Variants in SEC16A observed in about 807,000 individuals in gnomAD.
SEC16A encodes SEC16 homolog A, endoplasmic reticulum export factor, also known as protein transport protein Sec16A.
A neutral mutation model predicts 221.9 loss-of-function variants in SEC16A; 110 were observed. That is an observed-to-expected ratio of 0.50 (90% CI 0.42 to 0.58). The LOEUF (loss-of-function observed/expected upper bound fraction) is 0.58. Among genes scored for constraint, SEC16A ranks in the 20% least tolerant of loss-of-function variants. SEC16A has a pLI of 0.00. For missense variants in SEC16A, 3,165 were observed against 3,097.8 expected (o/e 1.02, Z -0.52); for synonymous variants, 1,393 against 1,257.7 (o/e 1.11, Z -2.28).
At chr9:136,480,715 C>T (rs1343771819) in intron 1 of SEC16A, among the ~76,000 whole-genome samples, 1 of 152,094 alleles carries the variant, frequency 6.6e-6, no homozygotes, top group Non-Finnish European at 1.5e-5. Flanking sequence ...CACGGTGAAA[C>T]CCCGTCTCTA....
chr9:136,457,422 G>C, intron 18 of SEC16A, 22 bp downstream of exon 18: 1 of 1,588,162 alleles, frequency 6.3e-7, no homozygotes, highest in Non-Finnish European at 8.6e-7. Flanking sequence ...AGCATCCCGA[G>C]GACAGGCGCC....
chr9:136,472,463 G>A (rs977506898), intron 3 of SEC16A, among the ~76,000 whole-genome samples: 1 of 152,252 alleles, frequency 6.6e-6, no homozygotes, highest in Non-Finnish European at 1.5e-5. Flanking sequence ...GCGACTTCTG[G>A]AAGGGGCTGT....
In SEC16A at chr9:136,475,493, G is replaced by C; in HGVS notation, c.2123C>G (p.Pro708Arg). 6.2e-7 allele frequency: 1 copy of C among 1,608,174 alleles called. No homozygotes were observed. The highest frequency in any genetic ancestry group is 1.1e-5 in the South Asian group (1 of 90,840). The change falls in exon 3 of 32, where the codon CCT becomes CGT. Residue 708 changes from proline (P) to arginine (R), a missense_variant. By Grantham distance (103) the Pro-to-Arg change is moderately radical (BLOSUM62 -2). Transcript: ENST00000684901. The surrounding 1 kb of genome is among the most constrained non-coding windows in gnomAD (Gnocchi z 5.0). Reference protein sequence around the residue: ...DTVYPAPEKRPSARTQGPVKC... With the variant: ...DTVYPAPEKRRSARTQGPVKC... ...CACGGGCCCCTGGGTCCTGGCTGAA[G>C]GCCTCTTCTCGGGTGCTGGATACAC...
In SEC16A at chr9:136,441,385, T is replaced by A. The variant is rs930457342; in HGVS notation, c.*370A>T. 3 of 293,396 alleles carry A rather than the reference T, an allele frequency of 1.0e-5. No homozygotes were observed. The highest frequency in any genetic ancestry group is 2.0e-5 in the Non-Finnish European group (3 of 146,550). 18.2% of individuals were successfully genotyped at this position (293,396 alleles called of 1,614,324 possible). A position where few individuals can be genotyped will look rare whatever the true frequency, so the allele number is the denominator to read the frequency against. Reference sequence around the variant, plus strand: ...ACAGCTGGGCTTGGAGAGGCCCTGGTTACTACCGACCATGTGGCTCTCCTG... The same window carrying A: ...ACAGCTGGGCTTGGAGAGGCCCTGGATACTACCGACCATGTGGCTCTCCTG... On this transcript the variant is annotated 3_prime_UTR_variant, in exon 32 of 32. Coordinates refer to ENST00000684901, the MANE Select transcript of SEC16A (RefSeq NM_014866.2).
intron 22 of SEC16A, among the ~76,000 whole-genome samples, chr9:136,452,004 A>G (rs1722795780): frequency 6.6e-6 from 1 of 152,220 alleles, no homozygotes; most frequent in South Asian, 2.1e-4. Context: ...GGTTAGGAGT[A>G]GAGCAAACAG....
At chr9:136,458,627 CA>C (rs1392292293) in intron 17 of SEC16A, among the ~76,000 whole-genome samples, 1,899 of 101,862 alleles carry the variant, frequency 0.019, 21 homozygotes, top group African/African-American at 0.052. Context: ...GACTCGGTCT[CA>C]AAAAAAAAAA....
At chr9:136,457,033 C>T (rs1047546186) in intron 18 of SEC16A, among the ~76,000 whole-genome samples, 7 of 152,130 alleles carry the variant, frequency 4.6e-5, no homozygotes, top group African/African-American at 7.2e-5. Flanking sequence ...ATTGGCCAAG[C>T]GTGGTGGCAG....
intron 31 of SEC16A, among the ~76,000 whole-genome samples, chr9:136,443,026 C>T (rs1317717785): frequency 1.3e-5 from 2 of 152,256 alleles, no homozygotes; most frequent in Admixed American, 6.5e-5. Context: ...GGGGGACCCA[C>T]TCCGGGGAGA....
Position 136,441,470 on chromosome 9 carries a change from T to G in SEC16A, c.*285A>C. 1 of 481,988 alleles carries G rather than the reference T, an allele frequency of 2.1e-6. No homozygotes were observed. Among genetic ancestry groups the G allele is most frequent in the South Asian group, 2.3e-5 (1 of 43,830 alleles). The allele number at this position is 481,988 out of a possible 1,614,324, so 29.9% of individuals were successfully genotyped here. ...TTCTTAAATGACCAGGAATACTATA[T>G]CCTTAAATCATCCTAAATGACTAAG... is the stretch of plus-strand genomic sequence containing the variant. On this transcript the variant is annotated 3_prime_UTR_variant, in exon 32 of 32. Coordinates refer to ENST00000684901, the MANE Select transcript of SEC16A (RefSeq NM_014866.2).
At position 136,466,691 on chromosome 9, in the gene SEC16A, G is replaced by T. The variant is rs572880332; in HGVS notation, c.3930-229C>A. 6.6e-6 allele frequency among the ~76,000 whole-genome samples: 1 copy of T among 152,210 alleles called. No individual in the cohort carries two copies. Among genetic ancestry groups the T allele is most frequent in the African/African-American group, 2.4e-5 (1 of 41,448 alleles). On this transcript the variant is annotated intron_variant, in intron 6 of 31. Transcript: ENST00000684901. The surrounding 1 kb of genome is among the most constrained non-coding windows in gnomAD (Gnocchi z 5.5). Reference sequence around the variant, plus strand: ...CAGGGCGCGACCGGTAAGAAGGGACGATGAGAAAGAGTGAGCCCAATCTCC... The same window carrying T: ...CAGGGCGCGACCGGTAAGAAGGGACTATGAGAAAGAGTGAGCCCAATCTCC...
In SEC16A at chr9:136,447,668, G is replaced by C. The variant is rs929399438; in HGVS notation, c.6460C>G (p.Pro2154Ala). The change falls in exon 26 of 32, where the codon CCC (proline) becomes GCC (alanine). Residue 2154 changes from proline to alanine, a missense_variant. Physicochemically the swap from Pro to Ala is conservative, Grantham distance 27. This residue lies in a region of SEC16A where 1,088 missense variants were observed against 1,089.6 expected (regional missense o/e 1.00). Transcript: ENST00000684901. The surrounding 1 kb of genome is among the most constrained non-coding windows in gnomAD (Gnocchi z 5.5). ...NEPEEEKKAP[P>A]PPPTSMPKTV... is the part of the protein sequence containing the mutation. Reference sequence around the variant, plus strand: ...TTGGGCATCGAGGTTGGAGGTGGGGGCGGGGCTTTCTTCTGCAGAGGGAAA... The same window carrying C: ...TTGGGCATCGAGGTTGGAGGTGGGGCCGGGGCTTTCTTCTGCAGAGGGAAA... 5 of 1,611,058 alleles carry C rather than the reference G, an allele frequency of 3.1e-6. No individual in the cohort carries two copies. The highest frequency in any genetic ancestry group is 4.2e-6 in the Non-Finnish European group (5 of 1,177,828).
upstream of SEC16A, chr9:136,484,322 A>G: frequency 9.1e-7 from 1 of 1,099,038 alleles, no homozygotes; most frequent in Non-Finnish European, 1.1e-6. Flanking sequence ...TGTGCCTGCC[A>G]CGGCCAGGCC....
At position 136,451,777 on chromosome 9, in the gene SEC16A, A is replaced by G. The variant is rs574674226; in HGVS notation, c.6160-369T>C. On this transcript the variant is annotated intron_variant, in intron 22 of 31. Coordinates refer to ENST00000684901, the MANE Select transcript of SEC16A (RefSeq NM_014866.2). ...GGGCGATGGGTGTTCTCAAAGATAC[A>G]ATGATTTTTAAAAATATTTATTCCT... Among the ~76,000 whole-genome samples the G allele has an allele frequency of 3.3e-5, 5 of 152,352 alleles. No individual in the cohort carries two copies. In the South Asian group the frequency reaches 1.0e-3, roughly 32 times the overall value.
chr9:136,458,451 AC>A (rs1381771223), intron 17 of SEC16A, among the ~76,000 whole-genome samples: 1 of 149,112 alleles, frequency 6.7e-6, no homozygotes. Context: ...ACACGGTGAA[AC>A]CCCATCTCTA....
chr9:136,451,308 T>A lies in SEC16A; in HGVS notation c.6260A>T (p.Glu2087Val), dbSNP rs1161137770. The A allele has an allele frequency of 2.5e-6, 4 of 1,613,524 alleles. No individual in the cohort carries two copies. Among genetic ancestry groups the A allele is most frequent in the Non-Finnish European group, 3.4e-6 (4 of 1,179,728 alleles). Residue 2087 changes from glutamate to valine, a missense_variant, in exon 23 of 32, where the codon GAA becomes GTA. Coordinates refer to ENST00000684901, the MANE Select transcript of SEC16A (RefSeq NM_014866.2). Reference protein sequence around the residue: ...QPPLSLSPAPETKRPGQAAKK... With the variant: ...QPPLSLSPAPVTKRPGQAAKK... The stretch of plus-strand genomic sequence containing the variant: ...GGCTGCCTGTCCGGGTCTCTTTGTT[T>A]CGGGAGCGGGTGAGAGAGACAGAGG...
At position 136,466,119 on chromosome 9, in the gene SEC16A, G is replaced by T; in HGVS notation, c.4146C>A (p.Ser1382Arg). 1 of 1,600,962 alleles carries T rather than the reference G, an allele frequency of 6.2e-7. No individual in the cohort carries two copies. The highest frequency in any genetic ancestry group is 8.5e-7 in the Non-Finnish European group (1 of 1,172,642). Residue 1382 changes from serine (S) to arginine (R), a missense_variant, in exon 8 of 32, where the codon AGC (serine) becomes AGA (arginine). Physicochemically the swap from Ser to Arg is moderately radical, Grantham distance 110. This residue lies in a region of SEC16A where 2,030 missense variants were observed against 1,923.1 expected (regional missense o/e 1.06). Transcript: ENST00000684901. The surrounding 1 kb of genome is among the most constrained non-coding windows in gnomAD (Gnocchi z 5.5). ...CGTAGGAACCGGCAGCCACATTGTGGCTTCTGTAAATCTGACTCTTAGAAA... is the reference window on the plus strand; with the variant it reads ...CGTAGGAACCGGCAGCCACATTGTGTCTTCTGTAAATCTGACTCTTAGAAA... ...SHSHQSQIYR[S>R]HNVAAGSYEA... is the part of the protein sequence containing the mutation.
At chr9:136,458,404 A>T (rs1286066583) in intron 17 of SEC16A, among the ~76,000 whole-genome samples, 1 of 151,874 alleles carries the variant, frequency 6.6e-6, no homozygotes, top group Non-Finnish European at 1.5e-5. Flanking sequence ...TGAGGTGGGC[A>T]GATCACAAGG....
In SEC16A at chr9:136,476,761, G is replaced by T; in HGVS notation, c.855C>A (p.His285Gln). Residue 285 changes from histidine (H) to glutamine (Q), a missense_variant, in exon 3 of 32, where the codon CAC (histidine) becomes CAA (glutamine). His to Gln is a conservative substitution (Grantham distance 24). Around this residue, in one of 3 missense-constraint regions of SEC16A, gnomAD observed 2,030 missense variants for 1,923.1 expected, o/e 1.06. Transcript: ENST00000684901. Reference sequence around the variant, plus strand: ...TGGCCAGGTGGCTTCCACTTTGCAAGTGGCTCACCTCGTCTCTTCCGTCAC... The same window carrying T: ...TGGCCAGGTGGCTTCCACTTTGCAATTGGCTCACCTCGTCTCTTCCGTCAC... The part of the protein sequence containing the change: ...LPSDGRDEVS[H>Q]LQSGSHLANN... 1 of 1,610,524 alleles carries T rather than the reference G, an allele frequency of 6.2e-7. No individual in the cohort carries two copies. Among genetic ancestry groups the T allele is most frequent in the Non-Finnish European group, 8.5e-7 (1 of 1,177,540 alleles).
chr9:136,447,016 C>T lies in SEC16A; in HGVS notation c.6698-67G>A, dbSNP rs748505627. The T allele has an allele frequency of 6.2e-7, 1 of 1,607,252 alleles. No individual in the cohort carries two copies. The highest frequency in any genetic ancestry group is 8.5e-7 in the Non-Finnish European group (1 of 1,177,660). On this transcript the variant is annotated intron_variant, in intron 27 of 31. Coordinates refer to ENST00000684901, the MANE Select transcript of SEC16A (RefSeq NM_014866.2). The surrounding 1 kb of genome is among the most constrained non-coding windows in gnomAD (Gnocchi z 5.5). ...CGTCCCTGGGGTCTCACTGAAGACACTCCGAGAGGAAGAGAGTTTCACACT... is the reference window on the plus strand; with the variant it reads ...CGTCCCTGGGGTCTCACTGAAGACATTCCGAGAGGAAGAGAGTTTCACACT...
Sources: allele counts gnomAD v4.1 joint callset (sites outside exome capture counted in the v4.1 genomes callset), GRCh38; gene constraint gnomAD v4.1.1; regional missense constraint gnomAD v4.1.1; non-coding constraint Gnocchi (gnomAD v3.1); transcripts MANE v1.5; gene names NCBI Gene and HGNC (gene_info 2026-07-23, HGNC 2026-07-21).